The following SUSD1 variants were observed in gnomAD, a reference collection of about 807,000 sequenced individuals.
The protein encoded by SUSD1 is sushi domain containing 1, also known as sushi domain-containing protein 1.
SUSD1 carries 65 observed loss-of-function variants against 86.9 expected under a neutral mutation model. The ratio of observed to expected loss-of-function variants is 0.75; its 90% confidence interval spans 0.61 to 0.92. The LOEUF is 0.92. Ranked by LOEUF, SUSD1 falls within the 40% of genes least tolerant of loss-of-function variation. SUSD1 has a pLI of 0.00. For synonymous variants in SUSD1, 346 were observed against 350.0 expected (o/e 0.99, Z 0.13); for missense variants, 850 against 929.7 (o/e 0.91, Z 1.11).
rs553299805 is a variant in SUSD1, at chr9:112,060,016, A to G, written c.1851-1330T>C. On this transcript the variant is annotated intron_variant, in intron 13 of 16. Transcript: ENST00000374270. ...TGAAATTTCGGAAAAGAGGAAAAGC[A>G]TACATCAGCGTGAAATATAATTAGG... Among the ~76,000 whole-genome samples the G allele has an allele frequency of 2.7e-5, 4 of 150,808 alleles. No homozygotes were observed. The South Asian group carries it at 8.4e-4, about 32-fold the overall frequency.
intron 2 of SUSD1, among the ~76,000 whole-genome samples, chr9:112,152,751 C>CTTTTTTTTTTTTTTTTTTTTTTTT (rs71382410): frequency 4.6e-5 from 4 of 87,478 alleles, no homozygotes; most frequent in Admixed American, 1.6e-4. Flanking sequence ...TTTTTTTAAT[C>CTTTTTTTTTTTTTTTTTTTTTTTT]TTTTTTTTTT....
intron 2 of SUSD1, among the ~76,000 whole-genome samples, chr9:112,152,749 A>ACCT (rs1833114230): frequency 1.3e-5 from 1 of 78,264 alleles, no homozygotes; most frequent in Non-Finnish European, 2.6e-5. Context: ...ATTTTTTTTA[A>ACCT]TCTTTTTTTT....
At chr9:112,159,192 C>A (rs1362080844) in intron 1 of SUSD1, among the ~76,000 whole-genome samples, 1 of 152,138 alleles carries the variant, frequency 6.6e-6, no homozygotes, top group Non-Finnish European at 1.5e-5. Context: ...CTACCCAAGG[C>A]TATGTGGTAT....
intron 9 of SUSD1, among the ~76,000 whole-genome samples, chr9:112,100,487 A>G (rs1830588407): frequency 6.6e-6 from 1 of 151,692 alleles, no homozygotes; most frequent in South Asian, 2.1e-4. Context: ...CGCCTGGCCA[A>G]TTCCTACTTA....
chr9:112,051,651 G>A (rs538478962), intron 15 of SUSD1, among the ~76,000 whole-genome samples: 1 of 151,902 alleles, frequency 6.6e-6, no homozygotes, highest in Non-Finnish European at 1.5e-5. Flanking sequence ...GGCTGGTCTC[G>A]AACTCCCAAC....
chr9:112,114,435 A>G (rs1450064377), intron 6 of SUSD1, among the ~76,000 whole-genome samples: 1 of 152,198 alleles, frequency 6.6e-6, no homozygotes, highest in Non-Finnish European at 1.5e-5. Flanking sequence ...GTGAGCCAAG[A>G]TCCTGCCACT....
chr9:112,058,020 G>A (rs556668947), intron 14 of SUSD1, among the ~76,000 whole-genome samples: 165 of 152,326 alleles, frequency 1.1e-3, no homozygotes, highest in South Asian at 1.2e-3. Flanking sequence ...CGGAAGGGAT[G>A]TAAGCAAAAA....
At chr9:112,090,528 C>T (rs1388923088) in intron 10 of SUSD1, among the ~76,000 whole-genome samples, 1 of 151,656 alleles carries the variant, frequency 6.6e-6, no homozygotes, top group Non-Finnish European at 1.5e-5. Flanking sequence ...AAGGAAAATA[C>T]CAATGCTTAA....
chr9:112,147,710 A>G (rs188979641), intron 3 of SUSD1, among the ~76,000 whole-genome samples: 1 of 152,350 alleles, frequency 6.6e-6, no homozygotes, highest in Non-Finnish European at 1.5e-5. Context: ...CAGAGCCTGC[A>G]GTGAGCCGAG....
chr9:112,155,228 G>A (rs1040725062), intron 2 of SUSD1, among the ~76,000 whole-genome samples: 7 of 151,760 alleles, frequency 4.6e-5, no homozygotes, highest in African/African-American at 1.7e-4. Context: ...TTCAGTCTGG[G>A]TGACCGAGGG....
At chr9:112,124,128 G>T in intron 6 of SUSD1, 129 bp downstream of exon 6, 1 of 836,044 alleles carries the variant, frequency 1.2e-6, no homozygotes. Flanking sequence ...AAAGCCAGGT[G>T]CACAACCAGG....
At chr9:112,115,929 C>T (rs1306688985) in intron 6 of SUSD1, among the ~76,000 whole-genome samples, 1 of 151,886 alleles carries the variant, frequency 6.6e-6, no homozygotes, top group South Asian at 2.1e-4. Context: ...ATGTTGGTAC[C>T]AGTCTTTTAT....
At chr9:112,060,355 A>G (rs1367713356) in intron 13 of SUSD1, among the ~76,000 whole-genome samples, 2 of 152,196 alleles carry the variant, frequency 1.3e-5, no homozygotes, top group Admixed American at 1.3e-4. Context: ...TTTACCTCCC[A>G]GGTTCAAGCG....
At chr9:112,074,016 A>G (rs927215623) in intron 12 of SUSD1, among the ~76,000 whole-genome samples, 2 of 152,202 alleles carry the variant, frequency 1.3e-5, no homozygotes, top group African/African-American at 4.8e-5. Context: ...CAGGAGTTCA[A>G]GATCAGCCTG....
chr9:112,041,420 C>T lies in SUSD1; in HGVS notation c.*72G>A, dbSNP rs376440859. ...ACGGAAGTCACACGGAGCCTCTGTGCGGGCACCTGAGAAGCTGCCAGAACA... is the reference window on the plus strand; with the variant it reads ...ACGGAAGTCACACGGAGCCTCTGTGTGGGCACCTGAGAAGCTGCCAGAACA... On this transcript the variant is annotated 3_prime_UTR_variant, in exon 17 of 17. Coordinates refer to ENST00000374270, the MANE Select transcript of SUSD1 (RefSeq NM_022486.5). The T allele has an allele frequency of 2.6e-5, 20 of 779,862 alleles. No homozygotes were observed. Among genetic ancestry groups the T allele is most frequent in the Middle Eastern group, 2.4e-4 (1 of 4,166 alleles). The allele number at this position is 779,862 out of a possible 1,614,324, so 48.3% of individuals were successfully genotyped here.
chr9:112,099,542 G>A (rs186739398), intron 9 of SUSD1, among the ~76,000 whole-genome samples: 1 of 152,256 alleles, frequency 6.6e-6, no homozygotes, highest in Admixed American at 6.5e-5. Flanking sequence ...CTGGTAAAAG[G>A]GCTTTTGATC....
rs1828546780 is a variant in SUSD1 at position 112,058,410 on chromosome 9, G to C, written c.2109+18C>G. On this transcript the variant is annotated intron_variant, in intron 14 of 16. Coordinates refer to ENST00000374270, the MANE Select transcript of SUSD1 (RefSeq NM_022486.5). ...AGAAGAAAATACAGAGTTCACAAGA[G>C]CTTGGAAAGAAAGATACCTTATTCC... The C allele has an allele frequency of 2.5e-6, 4 of 1,609,344 alleles. No homozygotes were observed. The East Asian group carries it at 8.9e-5, about 36-fold the overall frequency.
intron 2 of SUSD1, among the ~76,000 whole-genome samples, chr9:112,156,588 T>G (rs1351103691): frequency 6.6e-6 from 1 of 152,148 alleles, no homozygotes; most frequent in Non-Finnish European, 1.5e-5. Context: ...AAAAAAACTT[T>G]TTTTAGATAT....
chr9:112,130,245 T>A lies in SUSD1; in HGVS notation c.707-5809A>T, dbSNP rs1228033256. Among the ~76,000 whole-genome samples the A allele has an allele frequency of 4.6e-5, 7 of 152,170 alleles. No individual in the cohort carries two copies. In the East Asian group the frequency reaches 1.3e-3, roughly 29 times the overall value. ...AAAATCAGTCAGGTGTGGTGGCGCA[T>A]GCTTGTAATCCCAGCTACCTGGTAG... On this transcript the variant is annotated intron_variant, in intron 5 of 16. Transcript: ENST00000374270.
Sources: allele counts gnomAD v4.1 joint callset (sites outside exome capture counted in the v4.1 genomes callset), GRCh38; gene constraint gnomAD v4.1.1; transcripts MANE v1.5; gene names NCBI Gene and HGNC (gene_info 2026-07-23, HGNC 2026-07-21).